The following TBC1D19 variants were observed in gnomAD, a reference collection of about 807,000 sequenced individuals.
TBC1D19 encodes TBC1 domain family, member 19.
TBC1D19 carries 60 observed loss-of-function variants against 89.0 expected under a neutral mutation model. That is an observed-to-expected ratio of 0.67 (90% CI 0.55 to 0.84). TBC1D19 has a LOEUF of 0.84. Ranked by LOEUF, TBC1D19 falls within the 40% of genes least tolerant of loss-of-function variation. The pLI is 0.00. For missense variants in TBC1D19, 500 were observed against 610.8 expected, an observed-to-expected ratio of 0.82 and a Z score of 1.91; for synonymous variants, 189 against 199.7, an observed-to-expected ratio of 0.95 and a Z score of 0.45.
the TBC1D19 span, among the ~76,000 whole-genome samples, chr4:26,803,611 C>CT: frequency 6.6e-6 from 1 of 152,202 alleles, no homozygotes; most frequent in South Asian, 2.1e-4. Flanking sequence ...ATGAGAGTGG[C>CT]TGGAGCCACA....
intron 5 of TBC1D19, 83 bp downstream of exon 5, chr4:26,637,368 A>G (rs1577847423): frequency 9.0e-7 from 1 of 1,115,788 alleles, no homozygotes; most frequent in African/African-American, 1.6e-5. Flanking sequence ...ACTGTTAGGC[A>G]CATTTATTTA....
the TBC1D19 span, among the ~76,000 whole-genome samples, chr4:26,854,868 G>A: frequency 6.6e-6 from 1 of 152,054 alleles, no homozygotes; most frequent in Non-Finnish European, 1.5e-5. Flanking sequence ...TGCCACTGCT[G>A]TTCAGGGATC....
intron 17 of TBC1D19, chr4:26,740,533 C>A: frequency 3.8e-6 from 2 of 532,214 alleles, no homozygotes; most frequent in Non-Finnish European, 4.8e-6. Flanking sequence ...ATAAAATGAT[C>A]CTTTGGCCTA....
chr4:26,669,848 A>C (rs565508708), intron 9 of TBC1D19, among the ~76,000 whole-genome samples: 1 of 151,934 alleles, frequency 6.6e-6, no homozygotes, highest in Non-Finnish European at 1.5e-5. Context: ...ACATTGATTG[A>C]AATGAACATA....
At chr4:26,808,664 G>T in the TBC1D19 span, among the ~76,000 whole-genome samples, 2 of 150,624 alleles carry the variant, frequency 1.3e-5, no homozygotes, top group Non-Finnish European at 2.9e-5. Flanking sequence ...GGGAGGTGGA[G>T]GTTGCAGTGA....
intron 7 of TBC1D19, among the ~76,000 whole-genome samples, chr4:26,645,603 T>A (rs1022702267): frequency 2.6e-5 from 4 of 152,276 alleles, no homozygotes; most frequent in African/African-American, 9.6e-5. Context: ...GGGCAAGGAC[T>A]TCACGTCTAA....
the TBC1D19 span, among the ~76,000 whole-genome samples, chr4:26,812,603 A>C: frequency 2.6e-5 from 4 of 152,170 alleles, no homozygotes; most frequent in African/African-American, 9.7e-5. This position sits in a 1 kb window ranked among gnomAD's most constrained non-coding sequence, Gnocchi z 4.2. Flanking sequence ...CCACATTGTA[A>C]CTACCAGTGT....
At chr4:26,622,772 A>G (rs1332476103) in intron 4 of TBC1D19, among the ~76,000 whole-genome samples, 1 of 152,246 alleles carries the variant, frequency 6.6e-6, no homozygotes, top group Non-Finnish European at 1.5e-5. Context: ...CTTTTGCACA[A>G]CAGTGACAGC....
chr4:26,627,161 T>C lies in TBC1D19; in HGVS notation c.294+6473T>C, dbSNP rs1239009253. ...GGTGTTTGGTTTTTTGTCCTTGCGA[T>C]AGTTTACTGAGAATGATGATTTCCA... is the stretch of plus-strand genomic sequence containing the variant. On this transcript the variant is annotated intron_variant, in intron 4 of 20. Coordinates refer to ENST00000264866, the MANE Select transcript of TBC1D19 (RefSeq NM_018317.4). 4.0e-5 allele frequency among the ~76,000 whole-genome samples: 6 copies of C among 151,812 alleles called. No homozygotes were observed. In the East Asian group the frequency reaches 1.2e-3, roughly 29 times the overall value.
At chr4:26,740,039 G>A in intron 17 of TBC1D19, 66 bp downstream of exon 17, 1 of 1,075,482 alleles carries the variant, frequency 9.3e-7, no homozygotes, top group Non-Finnish European at 1.3e-6. Flanking sequence ...TTTCTGTTAA[G>A]AAAAAGTCTT....
chr4:26,635,344 G>A (rs181321132), intron 4 of TBC1D19, among the ~76,000 whole-genome samples: 27 of 152,134 alleles, frequency 1.8e-4, no homozygotes, highest in African/African-American at 6.5e-4. Context: ...TGGAAGGTAG[G>A]TTGTATCATT....
intron 15 of TBC1D19, among the ~76,000 whole-genome samples, chr4:26,723,867 CA>C (rs901353884): frequency 6.6e-6 from 1 of 152,100 alleles, no homozygotes; most frequent in Non-Finnish European, 1.5e-5. Flanking sequence ...TAAAATCAGT[CA>C]ATCATCAGTC....
intron 15 of TBC1D19, among the ~76,000 whole-genome samples, chr4:26,722,620 G>A (rs751794828): frequency 5.3e-5 from 8 of 152,066 alleles, no homozygotes; most frequent in Non-Finnish European, 7.4e-5. Flanking sequence ...CTTTAAGAAG[G>A]TATCACTAAG....
intron 15 of TBC1D19, among the ~76,000 whole-genome samples, chr4:26,720,779 C>A (rs1001187961): frequency 2.6e-5 from 4 of 151,962 alleles, no homozygotes; most frequent in African/African-American, 9.7e-5. Flanking sequence ...GGTTCAGATC[C>A]CAATTCTTCC....
Position 26,755,087 on chromosome 4 carries a change from T to C in TBC1D19, c.*140T>C. The C allele has an allele frequency of 3.2e-6, 2 of 634,536 alleles. No individual in the cohort carries two copies. The highest frequency in any genetic ancestry group is 2.9e-5 in the South Asian group (1 of 34,910). The allele number at this position is 634,536 out of a possible 1,614,324, so 39.3% of individuals were successfully genotyped here. On this transcript the variant is annotated 3_prime_UTR_variant, in exon 21 of 21. Transcript: ENST00000264866. ...TGTTCCCTCTTCAGTTAAACCTAAG[T>C]AGTTTCTCACTTTTTGAAACAATAA...
At chr4:26,838,193 C>T in the TBC1D19 span, among the ~76,000 whole-genome samples, 1 of 152,210 alleles carries the variant, frequency 6.6e-6, no homozygotes, top group African/African-American at 2.4e-5. Context: ...ACCCATGCAA[C>T]TTCCGATACC....
At chr4:26,607,410 A>G (rs543684358) in intron 1 of TBC1D19, among the ~76,000 whole-genome samples, 1 of 152,318 alleles carries the variant, frequency 6.6e-6, no homozygotes, top group East Asian at 1.9e-4. Context: ...CCTAAAAATA[A>G]CTGAAAAATT....
At chr4:26,701,639 A>G in intron 13 of TBC1D19, among the ~76,000 whole-genome samples, 1 of 152,152 alleles carries the variant, frequency 6.6e-6, no homozygotes, top group Non-Finnish European at 1.5e-5. Flanking sequence ...ATATTTTACC[A>G]TCATTTTATC....
chr4:26,595,912 G>C (rs1409417851), intron 1 of TBC1D19, among the ~76,000 whole-genome samples: 1 of 151,994 alleles, frequency 6.6e-6, no homozygotes, highest in Non-Finnish European at 1.5e-5. Context: ...TTGTACTTCA[G>C]TATTGTGTTA....
Sources: gnomAD v4.1 joint callset for allele counts (sites outside exome capture counted in the v4.1 genomes callset) on GRCh38, gnomAD v4.1.1 for gene constraint, Gnocchi (gnomAD v3.1) non-coding constraint, MANE v1.5 for transcripts, NCBI Gene and HGNC (gene_info 2026-07-23, HGNC 2026-07-21) for gene names.